Variants in LRRC66 observed in about 807,000 individuals in gnomAD.
LRRC66 encodes the protein leucine-rich repeat-containing protein 66.
LRRC66 carries 29 observed loss-of-function variants against 24.6 expected under a neutral mutation model. The ratio of observed to expected loss-of-function variants is 1.18; its 90% CI spans 0.88 to 1.61. The LOEUF (loss-of-function observed/expected upper bound fraction) is 1.61, where lower values mean the gene tolerates loss of function less well. Among genes scored for constraint, LRRC66 ranks in the 40% most tolerant of loss-of-function variants. LRRC66 has a pLI of 0.00. For missense variants in LRRC66, 1,124 were observed against 1,058.0 expected, an observed-to-expected ratio of 1.06 and a Z score of -0.87; for synonymous variants, 411 against 397.6, an observed-to-expected ratio of 1.03 and a Z score of -0.40.
chr4:52,016,757 C>A (rs931748296), intron 2 of LRRC66, among the ~76,000 whole-genome samples: 2 of 152,054 alleles, frequency 1.3e-5, no homozygotes, highest in Admixed American at 6.6e-5. Context: ...AATTGTATTA[C>A]ATATTAAATG....
intron 2 of LRRC66, among the ~76,000 whole-genome samples, chr4:52,014,897 A>T (rs908666683): frequency 6.6e-6 from 1 of 152,142 alleles, no homozygotes; most frequent in African/African-American, 2.4e-5. Flanking sequence ...GAATTTGCTC[A>T]CTTCCCTTCT....
intron 2 of LRRC66, among the ~76,000 whole-genome samples, chr4:52,007,976 A>G (rs2110199488): frequency 6.6e-6 from 1 of 152,038 alleles, no homozygotes; most frequent in Non-Finnish European, 1.5e-5. Flanking sequence ...CTTGACTGCC[A>G]ATTTTTTTTT....
chr4:52,017,039 A>G, intron 2 of LRRC66, 79 bp downstream of exon 2: 2 of 1,475,040 alleles, frequency 1.4e-6, no homozygotes, highest in Non-Finnish European at 1.8e-6. Context: ...TTGAACCTGA[A>G]AACAAATGTG....
At chr4:52,013,504 C>T (rs950739670) in intron 2 of LRRC66, among the ~76,000 whole-genome samples, 4 of 152,170 alleles carry the variant, frequency 2.6e-5, no homozygotes, top group Admixed American at 1.3e-4. Flanking sequence ...AGAGACTGAT[C>T]CCATTGTTTT....
chr4:52,017,225 C>T lies in LRRC66; in HGVS notation c.389G>A (p.Ser130Asn). The change falls in exon 2 of 5, where the codon AGT becomes AAT. Residue 130 changes from serine to asparagine, a missense_variant. Coordinates refer to ENST00000682860, the MANE Select transcript of LRRC66 (RefSeq NM_001024611.3). ...AIHSLSLDLL[S>N]PKSSWVKRHR... ...GCGTTTCACCCATGAGGACTTAGGA[C>T]TGAGTAGATCCAATGAGAGGGAGTG... 6.2e-7 allele frequency: 1 copy of T among 1,614,134 alleles called. No individual in the cohort carries two copies. The highest frequency in any genetic ancestry group is 8.5e-7 in the Non-Finnish European group (1 of 1,179,992).
intron 2 of LRRC66, among the ~76,000 whole-genome samples, chr4:52,015,032 G>A (rs150109339): frequency 8.5e-5 from 13 of 152,278 alleles, no homozygotes; most frequent in African/African-American, 2.6e-4. Flanking sequence ...AAGTGGAACT[G>A]TATTAGTCCT....
chr4:51,996,291 G>T, intron 4 of LRRC66, 126 bp from the exon 5 acceptor site: 1 of 883,178 alleles, frequency 1.1e-6, no homozygotes, highest in Non-Finnish European at 1.7e-6. Context: ...GGCACACCCA[G>T]CCTGGAGCGC....
At chr4:52,019,448 T>C (rs1736895453) in intron 1 of LRRC66, among the ~76,000 whole-genome samples, 1 of 152,240 alleles carries the variant, frequency 6.6e-6, no homozygotes, top group Non-Finnish European at 1.5e-5. Context: ...TTATGTTGTT[T>C]GTGTGTAAAT....
At position 51,995,036 on chromosome 4, in the gene LRRC66, T is replaced by G; in HGVS notation, c.1986A>C (p.Arg662Ser). The change falls in exon 5 of 5, where the codon AGA becomes AGC. Residue 662 changes from arginine (R) to serine (S), a missense_variant. Physicochemically the swap from Arg to Ser is moderately radical, Grantham distance 110. Coordinates refer to ENST00000682860, the MANE Select transcript of LRRC66 (RefSeq NM_001024611.3). ...GAGGAAAGACTGATGGGCCTGTGTC[T>G]CTTGGGTCACCGTATGGAACCTCGC... ...HYSEVPYGDP[R>S]DTGPSVFPPR... is the part of the protein sequence containing the mutation. 1 of 1,614,144 alleles carries G rather than the reference T, an allele frequency of 6.2e-7. No individual in the cohort carries two copies. The highest frequency in any genetic ancestry group is 2.2e-5 in the East Asian group (1 of 44,868).
At chr4:52,004,783 T>G (rs1192515109) in intron 2 of LRRC66, among the ~76,000 whole-genome samples, 1 of 152,212 alleles carries the variant, frequency 6.6e-6, no homozygotes, top group Non-Finnish European at 1.5e-5. Flanking sequence ...ATCAAGGTTG[T>G]CATATGTCCA....
At position 51,995,780 on chromosome 4, in the gene LRRC66, A is replaced by C. The variant is rs1161344404; in HGVS notation, c.1242T>G (p.Pro414=). 6.2e-7 allele frequency: 1 copy of C among 1,614,132 alleles called. No individual in the cohort carries two copies. The highest frequency in any genetic ancestry group is 1.6e-4 in the Middle Eastern group (1 of 6,062). ...CGTTTGAATACGCGTTGTCCAGGCC[A>C]GGGCTTTTGCTCTGGCACTTTTTTT... is the stretch of plus-strand genomic sequence containing the variant. The part of the protein sequence containing the change: ...LWQKKCQSKS[P]GLDNAYSNEG... The change falls in exon 5 of 5, where the codon CCT becomes CCG. Residue 414 remains proline (P), a synonymous_variant. Coordinates refer to ENST00000682860, the MANE Select transcript of LRRC66 (RefSeq NM_001024611.3).
intron 1 of LRRC66, chr4:52,018,383 A>C (rs1185196072): frequency 8.1e-6 from 8 of 984,724 alleles, no homozygotes; most frequent in Non-Finnish European, 9.6e-6. Context: ...TAAGTTTAAA[A>C]ATGGGTAATT....
chr4:52,005,470 C>T (rs1736554444), intron 2 of LRRC66, among the ~76,000 whole-genome samples: 4 of 152,046 alleles, frequency 2.6e-5, no homozygotes, highest in Admixed American at 1.3e-4. Flanking sequence ...CCTGTCTCTA[C>T]TAAAAATACA....
intron 2 of LRRC66, among the ~76,000 whole-genome samples, chr4:52,009,015 T>C (rs1238782630): frequency 6.6e-6 from 1 of 152,118 alleles, no homozygotes; most frequent in Non-Finnish European, 1.5e-5. Context: ...GTAAGGTTCT[T>C]ATATTACAGG....
chr4:52,007,613 T>C (rs1736617733), intron 2 of LRRC66, among the ~76,000 whole-genome samples: 1 of 152,238 alleles, frequency 6.6e-6, no homozygotes, highest in Non-Finnish European at 1.5e-5. Context: ...CTTCAAGCTT[T>C]TGGAGTCCAG....
intron 3 of LRRC66, among the ~76,000 whole-genome samples, chr4:52,000,716 C>T (rs1736428975): frequency 2.0e-5 from 3 of 152,208 alleles, no homozygotes; most frequent in Admixed American, 2.0e-4. Context: ...AGCCCTTACT[C>T]CAGCAGCCCA....
At chr4:52,020,088 A>C (rs1285647845) in intron 1 of LRRC66, among the ~76,000 whole-genome samples, 1 of 152,156 alleles carries the variant, frequency 6.6e-6, no homozygotes, top group Non-Finnish European at 1.5e-5. Flanking sequence ...AAGCTGAAGT[A>C]GGAGGAAGCA....
At chr4:52,008,443 C>T (rs371727662) in intron 2 of LRRC66, among the ~76,000 whole-genome samples, 1 of 149,104 alleles carries the variant, frequency 6.7e-6, no homozygotes, top group East Asian at 1.9e-4. Context: ...TAGTTGCACA[C>T]GGGGAAAGCT....
intron 3 of LRRC66, among the ~76,000 whole-genome samples, chr4:52,000,013 T>C (rs1487951272): frequency 6.6e-6 from 1 of 152,184 alleles, no homozygotes; most frequent in Non-Finnish European, 1.5e-5. Context: ...TCACATAGAA[T>C]AGTGCAAGTA....
Sources: allele counts gnomAD v4.1 joint callset (sites outside exome capture counted in the v4.1 genomes callset), GRCh38; gene constraint gnomAD v4.1.1; transcripts MANE v1.5; gene names NCBI Gene and HGNC (gene_info 2026-07-23, HGNC 2026-07-21).